Variants in CHRNA4 observed in about 807,000 individuals in gnomAD.
The protein encoded by CHRNA4 is neuronal acetylcholine receptor subunit alpha-4.
Under a neutral mutation model 48.9 loss-of-function variants are expected in CHRNA4, and 28 were observed. The ratio of observed to expected loss-of-function variants is 0.57; its 90% CI spans 0.42 to 0.79. The LOEUF (loss-of-function observed/expected upper bound fraction) is 0.79. Ranked by LOEUF, CHRNA4 falls within the 30% of genes least tolerant of loss-of-function variation. CHRNA4 has a pLI of 0.00. For missense variants in CHRNA4, 859 were observed against 898.4 expected (o/e 0.96, Z 0.56); for synonymous variants, 425 against 402.3 (o/e 1.06, Z -0.68).
chr20:63,355,682 G>T, intron 4 of CHRNA4: 1 of 998,806 alleles, frequency 1.0e-6, no homozygotes, highest in Non-Finnish European at 1.4e-6. Flanking sequence ...CTGTGTCCAG[G>T]TGCCATAGCC....
chr20:63,353,437 A>AGCTGTGGTCCTAGGGG (rs1347663398), intron 4 of CHRNA4, among the ~76,000 whole-genome samples: 5 of 112,908 alleles, frequency 4.4e-5, no homozygotes, highest in Non-Finnish European at 7.2e-5. Context: ...TGCTCTCCTG[A>AGCTGTGGTCCTAGGGG]GCTGTGGTCC....
At chr20:63,357,644 A>C (rs982645995) in intron 2 of CHRNA4, among the ~76,000 whole-genome samples, 19 of 107,816 alleles carry the variant, frequency 1.8e-4, no homozygotes, top group African/African-American at 5.4e-4. Context: ...GCACAGGTGA[A>C]TCCCCAGCCC....
chr20:63,356,185 G>GC, intron 3 of CHRNA4, 101 bp from the exon 4 acceptor site: 1 of 661,782 alleles, frequency 1.5e-6, no homozygotes, highest in Admixed American at 2.4e-5. Context: ...CCAGGGCAGG[G>GC]CAGCAGGGTG....
In CHRNA4 at chr20:63,346,799, A is replaced by C. The variant is rs1423271783; in HGVS notation, c.1823T>G (p.Ile608Ser). Residue 608 changes from isoleucine (I) to serine (S), a missense_variant, in exon 6 of 6, where the codon ATC becomes AGC. Ile to Ser is a moderately radical substitution (Grantham distance 142, BLOSUM62 -2). Transcript: ENST00000370263. ...IDRIFLWMFI[I>S]VCLLGTVGLF... ...GCCCACCGTCCCCAGCAGGCAGACG[A>C]TGATGAACATCCAGAGGAAGATGCG... The C allele has an allele frequency of 6.2e-7, 1 of 1,612,664 alleles. No individual in the cohort carries two copies. The highest frequency in any genetic ancestry group is 1.7e-5 in the Admixed American group (1 of 60,016).
Position 63,349,830 on chromosome 20 carries a change from A to G in CHRNA4, c.1581T>C (p.Ser527=). Residue 527 remains serine (S), a synonymous_variant, in exon 5 of 6, where the codon TCT becomes TCC. Transcript: ENST00000370263. ...CCTTCTTGCATGTGCATTTGCACGG[A>G]GAGGGCTGGTCTGGGGGTGGGAGCT... ...SAELPPPDQP[S]PCKCTCKKEP... The G allele has an allele frequency of 6.3e-7, 1 of 1,598,836 alleles. No homozygotes were observed. The highest frequency in any genetic ancestry group is 8.5e-7 in the Non-Finnish European group (1 of 1,169,686).
chr20:63,357,054 G>A (rs1330801317), intron 2 of CHRNA4, among the ~76,000 whole-genome samples: 2 of 124,006 alleles, frequency 1.6e-5, no homozygotes, highest in East Asian at 5.0e-4. Context: ...ACAACCCACA[G>A]GACCACATCT....
At chr20:63,360,643 G>A (rs2068803427) in intron 1 of CHRNA4, among the ~76,000 whole-genome samples, 1 of 152,140 alleles carries the variant, frequency 6.6e-6, no homozygotes, top group African/African-American at 2.4e-5. Context: ...GTCCCCACCC[G>A]CGACCTTGTC....
Position 63,349,976 on chromosome 20 carries a change from C to T in CHRNA4, c.1435G>A (p.Glu479Lys), listed in dbSNP as rs1601472903. ...QHMSSPGEAV[E>K]GGVRCRSRSI... ...CGAGACCGGCACCGGACGCCGCCTT[C>T]CACCGCTTCGCCAGGGCTGGACATG... Residue 479 changes from glutamate (E) to lysine (K), a missense_variant, in exon 5 of 6, where the codon GAA becomes AAA. Coordinates refer to ENST00000370263, the MANE Select transcript of CHRNA4 (RefSeq NM_000744.7). 2 of 1,555,282 alleles carry T rather than the reference C, an allele frequency of 1.3e-6. No individual in the cohort carries two copies. The highest frequency in any genetic ancestry group is 2.4e-5 in the East Asian group (1 of 42,472).
At chr20:63,348,823 T>C (rs1601469905) in intron 5 of CHRNA4, among the ~76,000 whole-genome samples, 1 of 150,042 alleles carries the variant, frequency 6.7e-6, no homozygotes, top group East Asian at 2.1e-4. Flanking sequence ...AGTAAATGTC[T>C]GCAGAAGGAA....
chr20:63,350,076 C>A lies in CHRNA4; in HGVS notation c.1335G>T (p.Ser445=). The change falls in exon 5 of 6, where the codon TCG becomes TCT. Residue 445 remains serine, a synonymous_variant. Transcript: ENST00000370263. ...LEAEKASPHP[S]PGPCRPPHGT... is the part of the protein sequence containing the mutation. ...CGTGGGGCGGGCGGCAGGGTCCAGG[C>A]GAGGGGTGGGGGCTGGCTTTCTCAG... 5 of 1,520,010 alleles carry A rather than the reference C, an allele frequency of 3.3e-6. No individual in the cohort carries two copies. The highest frequency in any genetic ancestry group is 2.0e-5 in the Admixed American group (1 of 49,350). The allele number at this position is 1,520,010 out of a possible 1,614,324, so 94.2% of individuals were successfully genotyped here. A position where few individuals can be genotyped will look rare whatever the true frequency, so the allele number is the denominator to read the frequency against.
chr20:63,356,651 G>A (rs904347090), intron 2 of CHRNA4: 77 of 595,524 alleles, frequency 1.3e-4, no homozygotes, highest in African/African-American at 1.2e-3. Flanking sequence ...CAGGAAACTG[G>A]AGAGGAGTCG....
rs878927378 is a variant in CHRNA4 at position 63,345,828 on chromosome 20, C to T, written c.*910G>A. ...GAAACCCTCAGGGTCCTGGGGGAAC[C>T]AGGGCCCAGGTCTGGACTCCATTCG... is the stretch of plus-strand genomic sequence containing the variant. On this transcript the variant is annotated 3_prime_UTR_variant, in exon 6 of 6. Coordinates refer to ENST00000370263, the MANE Select transcript of CHRNA4 (RefSeq NM_000744.7). This position sits in a 1 kb window ranked among gnomAD's most constrained non-coding sequence, Gnocchi z 5.4. 13 of 449,236 alleles carry T rather than the reference C, an allele frequency of 2.9e-5. No homozygotes were observed. The highest frequency in any genetic ancestry group is 2.0e-4 in the South Asian group (13 of 64,298). 27.8% of individuals were successfully genotyped at this position (449,236 alleles called of 1,614,324 possible).
rs1310660701 is a variant in CHRNA4 at position 63,361,342 on chromosome 20, C to T, written c.-177G>A. On this transcript the variant is annotated 5_prime_UTR_variant, in exon 1 of 6. Transcript: ENST00000370263. Reference sequence around the variant, plus strand: ...CGGCGGCGCGGCAGGGAGCGCCGGGCTGTGGGCTCCGTGGCGCGGCCCCGC... The same window carrying T: ...CGGCGGCGCGGCAGGGAGCGCCGGGTTGTGGGCTCCGTGGCGCGGCCCCGC... 2.9e-6 allele frequency: 3 copies of T among 1,026,864 alleles called. No individual in the cohort carries two copies. Among genetic ancestry groups the T allele is most frequent in the Non-Finnish European group, 3.4e-6 (3 of 880,118 alleles). The allele number at this position is 1,026,864 out of a possible 1,614,324, so 63.6% of individuals were successfully genotyped here. A position where few individuals can be genotyped will look rare whatever the true frequency, so the allele number is the denominator to read the frequency against.
In CHRNA4 at chr20:63,361,174, C is replaced by A. The variant is rs1181175474; in HGVS notation, c.-9G>T. On this transcript the variant is annotated 5_prime_UTR_variant, in exon 1 of 6. Coordinates refer to ENST00000370263, the MANE Select transcript of CHRNA4 (RefSeq NM_000744.7). Reference sequence around the variant, plus strand: ...GGGCCCCCTAGCTCCATGGCGCACGCACCTCGCGGGCTCTAGATGCGGGCG... The same window carrying A: ...GGGCCCCCTAGCTCCATGGCGCACGAACCTCGCGGGCTCTAGATGCGGGCG... 2.0e-6 allele frequency: 3 copies of A among 1,470,022 alleles called. No homozygotes were observed. Among genetic ancestry groups the A allele is most frequent in the Non-Finnish European group, 1.8e-6 (2 of 1,116,016 alleles). The allele number at this position is 1,470,022 out of a possible 1,614,324, so 91.1% of individuals were successfully genotyped here.
Position 63,349,806 on chromosome 20 carries a change from C to T in CHRNA4, c.1605G>A (p.Lys535=). 5 of 1,605,208 alleles carry T rather than the reference C, an allele frequency of 3.1e-6. No homozygotes were observed. The highest frequency in any genetic ancestry group is 4.3e-6 in the Non-Finnish European group (5 of 1,174,042). The change falls in exon 5 of 6, where the codon AAG becomes AAA. Residue 535 remains lysine (K), a synonymous_variant. Transcript: ENST00000370263. ...CGCTCGGGGACACCGAAGAGGGCTC[C>T]TTCTTGCATGTGCATTTGCACGGAG... is the stretch of plus-strand genomic sequence containing the variant. ...QPSPCKCTCK[K]EPSSVSPSAT... is the part of the protein sequence containing the mutation.
chr20:63,348,730 C>T (rs991806434), intron 5 of CHRNA4, among the ~76,000 whole-genome samples: 13 of 152,214 alleles, frequency 8.5e-5, no homozygotes, highest in Admixed American at 3.9e-4. Context: ...CCGAGACCCC[C>T]GGCCACCTGT....
Position 63,346,507 on chromosome 20 carries a change from C to T in CHRNA4, c.*231G>A. 1 of 699,248 alleles carries T rather than the reference C, an allele frequency of 1.4e-6. No homozygotes were observed. Among genetic ancestry groups the T allele is most frequent in the East Asian group, 2.8e-5 (1 of 35,590 alleles). The allele number at this position is 699,248 out of a possible 1,614,324, so 43.3% of individuals were successfully genotyped here. A position where few individuals can be genotyped will look rare whatever the true frequency, so the allele number is the denominator to read the frequency against. ...CGCCGACCCCCACCTCTGCTCCAAG[C>T]CACTGCCTCCTGAGGCCACAGTCCA... On this transcript the variant is annotated 3_prime_UTR_variant, in exon 6 of 6. Transcript: ENST00000370263.
In CHRNA4 at chr20:63,350,452, G is replaced by T. The variant is rs776272483; in HGVS notation, c.959C>A (p.Ser320Tyr). ...LLFTMIFVTLSIVITVFVLNV... is the reference protein window; with the variant it reads ...LLFTMIFVTLYIVITVFVLNV... ...GAGCACGAAGACCGTGATGACGATG[G>T]ACAGGGTGACGAAGATCATGGTGAA... Residue 320 changes from serine (S) to tyrosine (Y), a missense_variant, in exon 5 of 6, where the codon TCC becomes TAC. Physicochemically the swap from Ser to Tyr is moderately radical, Grantham distance 144 (BLOSUM62 -2). This residue lies in a region of CHRNA4 where 478 missense variants were observed against 455.4 expected (regional missense o/e 1.05). Transcript: ENST00000370263. 1 of 1,614,002 alleles carries T rather than the reference G, an allele frequency of 6.2e-7. No homozygotes were observed. The highest frequency in any genetic ancestry group is 8.5e-7 in the Non-Finnish European group (1 of 1,180,036).
chr20:63,358,142 C>T (rs2068746742), intron 2 of CHRNA4, among the ~76,000 whole-genome samples: 1 of 152,146 alleles, frequency 6.6e-6, no homozygotes, highest in Non-Finnish European at 1.5e-5. Flanking sequence ...TCCACAGGAG[C>T]CACTCAAGGG....
Sources: gnomAD v4.1 joint callset for allele counts (sites outside exome capture counted in the v4.1 genomes callset) on GRCh38, gnomAD v4.1.1 for gene constraint, gnomAD v4.1.1 regional missense constraint, Gnocchi (gnomAD v3.1) non-coding constraint, MANE v1.5 for transcripts, NCBI Gene and HGNC (gene_info 2026-07-23, HGNC 2026-07-21) for gene names.